The following FBLN7 variants were observed in gnomAD, a reference collection of about 807,000 sequenced individuals.
FBLN7 encodes fibulin-7.
A neutral mutation model predicts 44.0 loss-of-function variants in FBLN7; 31 were observed. That is an observed-to-expected ratio of 0.70 (90% confidence interval 0.53 to 0.95). The LOEUF (loss-of-function observed/expected upper bound fraction) is 0.95. Ranked by LOEUF, FBLN7 falls within the 40% of genes least tolerant of loss-of-function variation. The pLI, the probability that FBLN7 is intolerant of heterozygous loss-of-function variation, is 0.00. For synonymous variants in FBLN7, 262 were observed against 253.4 expected (o/e 1.03, Z -0.32); for missense variants, 573 against 618.5 (o/e 0.93, Z 0.78).
At chr2:112,204,409 G>T in the FBLN7 span, among the ~76,000 whole-genome samples, 1 of 151,972 alleles carries the variant, frequency 6.6e-6, no homozygotes, top group East Asian at 1.9e-4. Flanking sequence ...GAATAAATAA[G>T]GCAGGAAACT....
At chr2:112,238,633 T>G in the FBLN7 span, 1 of 861,630 alleles carries the variant, frequency 1.2e-6, no homozygotes, top group Non-Finnish European at 1.8e-6. Flanking sequence ...TTGTTGAAGG[T>G]GGGTAATAGG....
chr2:112,232,746 AT>A, the FBLN7 span, among the ~76,000 whole-genome samples: 16 of 152,228 alleles, frequency 1.1e-4, 1 homozygote, highest in African/African-American at 3.9e-4. Context: ...GAAGAAAAAA[AT>A]TTTTTTGTGA....
At chr2:112,229,332 C>A in the FBLN7 span, among the ~76,000 whole-genome samples, 13 of 152,252 alleles carry the variant, frequency 8.5e-5, no homozygotes, top group East Asian at 1.9e-3. Context: ...ATTATTTTTT[C>A]TTTTCTCCCT....
chr2:112,202,639 A>G, the FBLN7 span, among the ~76,000 whole-genome samples: 4 of 152,296 alleles, frequency 2.6e-5, 1 homozygote, highest in East Asian at 7.7e-4. Context: ...AAGGCTAGCA[A>G]CAATTTGAAG....
chr2:112,147,890 G>A (rs746320074), intron 1 of FBLN7, among the ~76,000 whole-genome samples: 1 of 151,100 alleles, frequency 6.6e-6, no homozygotes, highest in Non-Finnish European at 1.5e-5. Context: ...GGTCGTAGGT[G>A]GGGGGTCTGC....
At chr2:112,233,413 TAGTCA>T in the FBLN7 span, 18 of 1,283,534 alleles carry the variant, frequency 1.4e-5, no homozygotes, top group East Asian at 4.2e-4. Context: ...TTATTTCTCA[TAGTCA>T]AGTCATTATG....
At chr2:112,240,992 T>TGCGC in the FBLN7 span, among the ~76,000 whole-genome samples, 1,504 of 143,778 alleles carry the variant, frequency 0.01, 12 homozygotes, top group Non-Finnish European at 0.016. Flanking sequence ...TGTGCGCGTG[T>TGCGC]GTATGTGTGT....
At chr2:112,142,371 T>C (rs952103049) in intron 1 of FBLN7, among the ~76,000 whole-genome samples, 1 of 152,204 alleles carries the variant, frequency 6.6e-6, no homozygotes, top group Non-Finnish European at 1.5e-5. Context: ...TGATATATTT[T>C]GGTAGGTTTC....
At chr2:112,142,772 G>A (rs547986483) in intron 1 of FBLN7, among the ~76,000 whole-genome samples, 1 of 151,998 alleles carries the variant, frequency 6.6e-6, no homozygotes, top group Non-Finnish European at 1.5e-5. Context: ...GTGTGTTTGT[G>A]TGTGTGTGTG....
the FBLN7 span, chr2:112,240,442 A>G: frequency 2.6e-5 from 4 of 152,356 alleles, no homozygotes; most frequent in Non-Finnish European, 4.4e-5. Flanking sequence ...AGCAGCTCCT[A>G]TGAAGTTTAG....
chr2:112,144,345 A>C (rs1573759527), intron 1 of FBLN7, among the ~76,000 whole-genome samples: 1 of 152,240 alleles, frequency 6.6e-6, no homozygotes, highest in Non-Finnish European at 1.5e-5. Flanking sequence ...ATTGAAAATC[A>C]TTCAGATTTG....
chr2:112,220,727 A>T, the FBLN7 span, among the ~76,000 whole-genome samples: 8 of 152,226 alleles, frequency 5.3e-5, no homozygotes, highest in African/African-American at 1.9e-4. Flanking sequence ...ATGCTGAGGC[A>T]GGAGAATCAC....
intron 7 of FBLN7, 36 bp downstream of exon 7, chr2:112,185,375 G>C (rs1181537948): frequency 6.3e-7 from 1 of 1,597,066 alleles, no homozygotes; most frequent in Non-Finnish European, 8.6e-7. Context: ...CCTCACCCAG[G>C]CCTCCAAGTG....
the FBLN7 span, among the ~76,000 whole-genome samples, chr2:112,196,730 G>A: frequency 6.6e-6 from 1 of 152,084 alleles, no homozygotes; most frequent in Non-Finnish European, 1.5e-5. Flanking sequence ...GCTGAACTGT[G>A]TCTCTCAAAA....
intron 3 of FBLN7, among the ~76,000 whole-genome samples, chr2:112,175,480 G>T (rs1329228766): frequency 6.6e-6 from 1 of 152,262 alleles, no homozygotes; most frequent in African/African-American, 2.4e-5. Flanking sequence ...GGTGGGCAGT[G>T]TGTGCCTGGG....
At chr2:112,174,261 G>A (rs562470318) in intron 3 of FBLN7, among the ~76,000 whole-genome samples, 26 of 152,296 alleles carry the variant, frequency 1.7e-4, no homozygotes, top group Admixed American at 8.5e-4. Context: ...CCTGGAAACC[G>A]GTCTTCTGCA....
intron 2 of FBLN7, among the ~76,000 whole-genome samples, chr2:112,162,793 G>A (rs955999791): frequency 1.3e-5 from 2 of 152,166 alleles, no homozygotes; most frequent in Non-Finnish European, 2.9e-5. Flanking sequence ...CAGGTATGGT[G>A]TATTTGTGAG....
intron 7 of FBLN7, among the ~76,000 whole-genome samples, chr2:112,186,011 T>C (rs989962227): frequency 3.9e-5 from 6 of 151,970 alleles, no homozygotes; most frequent in Non-Finnish European, 7.4e-5. Flanking sequence ...CCATGGAGGG[T>C]AACTTAATTA....
At chr2:112,225,139 T>G in the FBLN7 span, among the ~76,000 whole-genome samples, 1 of 152,236 alleles carries the variant, frequency 6.6e-6, no homozygotes, top group African/African-American at 2.4e-5. Flanking sequence ...TTCCTGAGAC[T>G]TTGCTGAATT....
Sources: allele counts gnomAD v4.1 joint callset (sites outside exome capture counted in the v4.1 genomes callset), GRCh38; gene constraint gnomAD v4.1.1; transcripts MANE v1.5; gene names NCBI Gene and HGNC (gene_info 2026-07-23, HGNC 2026-07-21).